LARGE1: variants seen among roughly 807,000 people sequenced by gnomAD.
The protein encoded by LARGE1 is LARGE xylosyl- and glucuronyltransferase 1, also known as xylosyl- and glucuronyltransferase LARGE1.
Under a neutral mutation model 87.6 loss-of-function variants are expected in LARGE1, and 43 were observed. The observed-to-expected ratio is 0.49, with a 90% CI of 0.38 to 0.63. LARGE1 has a LOEUF of 0.63. Ranked by LOEUF, LARGE1 falls within the 30% of genes least tolerant of loss-of-function variation. The pLI, the probability that LARGE1 is intolerant of heterozygous loss-of-function variation, is 0.00. For missense variants in LARGE1, 802 were observed against 1,000.2 expected (o/e 0.80, Z 2.67); for synonymous variants, 434 against 394.6 (o/e 1.10, Z -1.18).
At chr22:33,578,253 T>C (rs535898618) in intron 5 of LARGE1, among the ~76,000 whole-genome samples, 4 of 152,176 alleles carry the variant, frequency 2.6e-5, no homozygotes, top group African/African-American at 2.4e-5. Flanking sequence ...CCTTAAAAAG[T>C]AGTATAGAAG....
intron 2 of LARGE1, among the ~76,000 whole-genome samples, chr22:33,656,231 G>A (rs2080956692): frequency 6.6e-6 from 1 of 152,182 alleles, no homozygotes; most frequent in Non-Finnish European, 1.5e-5. Context: ...CTCATGGTTT[G>A]GGAGGCCTCA....
the LARGE1 span, among the ~76,000 whole-genome samples, chr22:33,156,385 G>A: frequency 5.9e-5 from 9 of 152,346 alleles, no homozygotes; most frequent in South Asian, 1.9e-3. Context: ...GCCCAAGGCT[G>A]TGGGAGCCCA....
At position 33,327,145 on chromosome 22, in the gene LARGE1, T is replaced by C. The variant is rs951787605; in HGVS notation, c.1287+10501A>G. On this transcript the variant is annotated intron_variant, in intron 10 of 14. Coordinates refer to ENST00000397394, the MANE Select transcript of LARGE1 (RefSeq NM_133642.5). ...AGCTGTTTCCACAGAGCCATCTGTT[T>C]CTTGGCATTGTCTTGCAGGGTGATG... 2.6e-5 allele frequency among the ~76,000 whole-genome samples: 4 copies of C among 152,238 alleles called. No individual in the cohort carries two copies. In the East Asian group the frequency reaches 5.8e-4, roughly 22 times the overall value.
At chr22:33,195,545 T>A (rs1009368054) in intron 11 of LARGE1, among the ~76,000 whole-genome samples, 3 of 151,894 alleles carry the variant, frequency 2.0e-5, no homozygotes, top group African/African-American at 7.2e-5. Flanking sequence ...AAACCACAAA[T>A]ATTTGACATT....
chr22:33,772,351 CTCAG>C (rs1267790371), intron 1 of LARGE1, among the ~76,000 whole-genome samples: 1 of 151,606 alleles, frequency 6.6e-6, no homozygotes, highest in Admixed American at 6.6e-5. Context: ...AAGGAGATTA[CTCAG>C]TGTCTCTCAT....
chr22:33,104,907 C>CTTTCTTTA, the LARGE1 span, among the ~76,000 whole-genome samples: 1 of 59,574 alleles, frequency 1.7e-5, no homozygotes, highest in Non-Finnish European at 4.4e-5. Flanking sequence ...TTCTTTCTTT[C>CTTTCTTTA]TTTCTTTCTT....
At chr22:33,697,983 T>C (rs1810353808) in intron 2 of LARGE1, among the ~76,000 whole-genome samples, 1 of 152,216 alleles carries the variant, frequency 6.6e-6, no homozygotes, top group Non-Finnish European at 1.5e-5. Context: ...CATTTGTTTC[T>C]TAAAAGACTC....
At chr22:33,799,312 G>A (rs138442101) in intron 1 of LARGE1, among the ~76,000 whole-genome samples, 1 of 152,152 alleles carries the variant, frequency 6.6e-6, no homozygotes, top group East Asian at 1.9e-4. Flanking sequence ...AGCATTTCTG[G>A]AGCCGGGCTA....
intron 1 of LARGE1, among the ~76,000 whole-genome samples, chr22:33,825,334 G>C (rs2146287009): frequency 6.6e-6 from 1 of 152,186 alleles, no homozygotes; most frequent in African/African-American, 2.4e-5. Flanking sequence ...ACATACCCGA[G>C]ACTGGGTAAT....
At chr22:33,304,657 A>C (rs1934628290) in intron 11 of LARGE1, 150 bp from the exon 12 acceptor site, 2 of 818,076 alleles carry the variant, frequency 2.4e-6, no homozygotes, top group Admixed American at 5.8e-5. Flanking sequence ...CAGTTCCTTT[A>C]CCTATAAAAC....
At chr22:33,226,189 G>A (rs986995221) in intron 11 of LARGE1, among the ~76,000 whole-genome samples, 2 of 152,188 alleles carry the variant, frequency 1.3e-5, no homozygotes, top group African/African-American at 4.8e-5. Flanking sequence ...TCTTTTTGCT[G>A]CTTGTCACCT....
intron 6 of LARGE1, among the ~76,000 whole-genome samples, chr22:33,451,349 T>G (rs2067911345): frequency 8.2e-6 from 1 of 122,234 alleles, no homozygotes; most frequent in Non-Finnish European, 1.8e-5. Flanking sequence ...GCCAAAAAAA[T>G]TCTTATTTTA....
intron 4 of LARGE1, among the ~76,000 whole-genome samples, chr22:33,615,062 TA>T (rs2149028954): frequency 6.6e-6 from 1 of 152,350 alleles, no homozygotes; most frequent in South Asian, 2.1e-4. Context: ...ACGCCCTTCT[TA>T]GTGGCTCCAG....
intron 10 of LARGE1, among the ~76,000 whole-genome samples, chr22:33,318,771 A>T (rs1242657871): frequency 6.6e-6 from 1 of 151,668 alleles, no homozygotes; most frequent in Non-Finnish European, 1.5e-5. Flanking sequence ...AATTTGCCAA[A>T]GGTCACAGGA....
chr22:33,616,451 G>C (rs1398526333), intron 4 of LARGE1, among the ~76,000 whole-genome samples: 2 of 151,990 alleles, frequency 1.3e-5, no homozygotes, highest in African/African-American at 4.8e-5. Context: ...AGGATTGCTT[G>C]AACCCAAGAG....
chr22:33,303,651 C>T (rs959907419), intron 12 of LARGE1, among the ~76,000 whole-genome samples: 1 of 152,114 alleles, frequency 6.6e-6, no homozygotes, highest in Admixed American at 6.6e-5. Flanking sequence ...GAGAAGGAGT[C>T]TTGCTCTGTC....
At chr22:33,290,733 T>C (rs571936680) in intron 12 of LARGE1, among the ~76,000 whole-genome samples, 1 of 152,220 alleles carries the variant, frequency 6.6e-6, no homozygotes, top group East Asian at 1.9e-4. Flanking sequence ...GTGAGGGCCA[T>C]GGCCATTTAG....
intron 11 of LARGE1, among the ~76,000 whole-genome samples, chr22:33,180,941 C>T (rs1328827282): frequency 2.0e-5 from 3 of 152,154 alleles, no homozygotes; most frequent in Non-Finnish European, 4.4e-5. Flanking sequence ...TGAGGAGTGA[C>T]AGCCAGTGGG....
At chr22:33,582,896 G>A (rs978104221) in intron 5 of LARGE1, among the ~76,000 whole-genome samples, 1 of 152,186 alleles carries the variant, frequency 6.6e-6, no homozygotes, top group Non-Finnish European at 1.5e-5. Flanking sequence ...GGTGTACCTG[G>A]CTGTGCTTTC....
Sources: gnomAD v4.1 joint callset for allele counts (sites outside exome capture counted in the v4.1 genomes callset) on GRCh38, gnomAD v4.1.1 for gene constraint, MANE v1.5 for transcripts, NCBI Gene and HGNC (gene_info 2026-07-23, HGNC 2026-07-21) for gene names.